The following NCALD variants were observed in gnomAD, a reference collection of about 807,000 sequenced individuals.
NCALD encodes the protein neurocalcin-delta.
Under a neutral mutation model 18.6 loss-of-function variants are expected in NCALD, and 10 were observed. The ratio of observed to expected loss-of-function variants is 0.54; its 90% CI spans 0.33 to 0.91. The LOEUF (loss-of-function observed/expected upper bound fraction) is 0.91, where lower values mean the gene tolerates loss of function less well. NCALD is among the 40% of genes least tolerant of loss of function. The pLI is 0.03. For missense variants in NCALD, 184 were observed against 247.6 expected (o/e 0.74, Z 1.72); for synonymous variants, 88 against 87.4 (o/e 1.01, Z -0.04).
chr8:102,025,021 T>C (rs1470618871), intron 1 of NCALD, among the ~76,000 whole-genome samples: 1 of 152,192 alleles, frequency 6.6e-6, no homozygotes, highest in East Asian at 1.9e-4. Context: ...CCATTATGTC[T>C]TTTTCAAGAG....
intron 1 of NCALD, among the ~76,000 whole-genome samples, chr8:101,761,902 C>T (rs1259461338): frequency 6.6e-6 from 1 of 152,196 alleles, no homozygotes; most frequent in Non-Finnish European, 1.5e-5. Flanking sequence ...CGTTTCGGGG[C>T]CTCGAATGTA....
intron 2 of NCALD, among the ~76,000 whole-genome samples, chr8:102,003,053 C>A (rs539894795): frequency 1.2e-4 from 18 of 151,378 alleles, no homozygotes; most frequent in Non-Finnish European, 2.5e-4. Context: ...GAAACAGAGA[C>A]ACAAAAAAAA....
At chr8:101,784,289 G>A (rs555306714) in intron 1 of NCALD, among the ~76,000 whole-genome samples, 1 of 152,144 alleles carries the variant, frequency 6.6e-6, no homozygotes, top group South Asian at 2.1e-4. Context: ...TGTGGTCTGG[G>A]TTTCCTACAA....
At chr8:101,841,374 C>G (rs981833830) in intron 4 of NCALD, among the ~76,000 whole-genome samples, 1 of 152,208 alleles carries the variant, frequency 6.6e-6, no homozygotes, top group Non-Finnish European at 1.5e-5. Context: ...TCTTCCCTTC[C>G]TCTAACACAG....
At chr8:102,055,125 G>A (rs551956236) in intron 1 of NCALD, among the ~76,000 whole-genome samples, 2 of 152,058 alleles carry the variant, frequency 1.3e-5, no homozygotes, top group South Asian at 4.2e-4. Flanking sequence ...CAAACCCACT[G>A]GGAATCTGCT....
At chr8:101,907,133 T>C (rs1208737177) in intron 3 of NCALD, among the ~76,000 whole-genome samples, 1 of 152,224 alleles carries the variant, frequency 6.6e-6, no homozygotes, top group Admixed American at 6.5e-5. Flanking sequence ...CTAAGTGCTA[T>C]TTATTTTGAT....
chr8:101,747,039 C>T (rs1190544025), intron 1 of NCALD, among the ~76,000 whole-genome samples: 1 of 152,162 alleles, frequency 6.6e-6, no homozygotes, highest in African/African-American at 2.4e-5. Context: ...AAGCAGCCAA[C>T]TCTACGATAT....
chr8:101,835,273 A>C (rs1323117495), intron 4 of NCALD, among the ~76,000 whole-genome samples: 2 of 152,250 alleles, frequency 1.3e-5, no homozygotes, highest in Non-Finnish European at 2.9e-5. Context: ...CCCTTCCATC[A>C]TATGGCTCTG....
At chr8:101,779,675 G>A (rs1267043222) in intron 1 of NCALD, among the ~76,000 whole-genome samples, 1 of 151,992 alleles carries the variant, frequency 6.6e-6, no homozygotes, top group Non-Finnish European at 1.5e-5. Flanking sequence ...TTCACCAAGA[G>A]AACAATCCTA....
chr8:101,970,460 C>T (rs1307408699), intron 2 of NCALD, among the ~76,000 whole-genome samples: 5 of 152,098 alleles, frequency 3.3e-5, no homozygotes, highest in African/African-American at 1.2e-4. Flanking sequence ...TCAAAAGAGT[C>T]TGAATTTTTT....
At chr8:101,692,928 G>GAA (rs1395539624) in intron 2 of NCALD, 32 bp from the exon 3 acceptor site, 2 of 1,499,322 alleles carry the variant, frequency 1.3e-6, no homozygotes, top group Non-Finnish European at 9.3e-7. Flanking sequence ...TGGTAAGACA[G>GAA]AAAAACAGTA....
At chr8:102,094,650 G>T (rs1176861580) in intron 1 of NCALD, among the ~76,000 whole-genome samples, 1 of 152,218 alleles carries the variant, frequency 6.6e-6, no homozygotes, top group Non-Finnish European at 1.5e-5. Flanking sequence ...ATCTTCGAAA[G>T]TCCTAACCTC....
intron 1 of NCALD, among the ~76,000 whole-genome samples, chr8:102,036,777 C>T (rs1162061852): frequency 1.7e-4 from 25 of 150,476 alleles, no homozygotes. Context: ...ACAACAACAA[C>T]AACAAAAAAA....
At chr8:101,825,477 G>A (rs973075649) in intron 4 of NCALD, among the ~76,000 whole-genome samples, 3 of 152,226 alleles carry the variant, frequency 2.0e-5, no homozygotes, top group Admixed American at 6.5e-5. Flanking sequence ...GTGGGTAAAT[G>A]GAGAGTGAGA....
At chr8:102,055,243 C>G (rs1348727573) in intron 1 of NCALD, among the ~76,000 whole-genome samples, 1 of 140,372 alleles carries the variant, frequency 7.1e-6, no homozygotes, top group Non-Finnish European at 1.5e-5. Context: ...AAGTCACATT[C>G]ATGATATGAA....
At chr8:102,030,918 T>A (rs1212162865) in intron 1 of NCALD, among the ~76,000 whole-genome samples, 1 of 149,390 alleles carries the variant, frequency 6.7e-6, no homozygotes. Context: ...ATAAAGTAGA[T>A]AAAGGGGAGC....
chr8:101,701,057 T>C (rs1323926509), intron 2 of NCALD, among the ~76,000 whole-genome samples: 1 of 152,176 alleles, frequency 6.6e-6, no homozygotes, highest in Admixed American at 6.5e-5. Context: ...ACAAGAACGG[T>C]GAGCAGAGAG....
chr8:101,924,383 G>A (rs1331584534), intron 2 of NCALD, among the ~76,000 whole-genome samples: 8 of 152,086 alleles, frequency 5.3e-5, no homozygotes, highest in Admixed American at 3.9e-4. Flanking sequence ...AGTATATTCC[G>A]ACAAGTGCTT....
intron 1 of NCALD, among the ~76,000 whole-genome samples, chr8:102,115,043 G>A (rs989310827): frequency 2.6e-5 from 4 of 152,214 alleles, no homozygotes; most frequent in African/African-American, 4.8e-5. Flanking sequence ...AGGGCCCCAT[G>A]CTGGCATTAA....
Sources: gnomAD v4.1 joint callset for allele counts (sites outside exome capture counted in the v4.1 genomes callset) on GRCh38, gnomAD v4.1.1 for gene constraint, MANE v1.5 for transcripts, NCBI Gene and HGNC (gene_info 2026-07-23, HGNC 2026-07-21) for gene names.